Variants in ZNF320 observed in about 807,000 individuals in gnomAD.
The protein encoded by ZNF320 is zinc finger protein 320.
In ZNF320, 2 loss-of-function variants were observed where a neutral mutation model predicts 6.8. That is an observed-to-expected ratio of 0.29 (90% CI 0.12 to 0.93). The LOEUF (loss-of-function observed/expected upper bound fraction) is 0.93. ZNF320 is among the 40% of genes least tolerant of loss of function. The probability of loss-of-function intolerance (pLI) is 0.55; values close to 1 mark genes in which losing one functional copy is unlikely to be tolerated. For missense variants in ZNF320, 472 were observed against 611.0 expected (o/e 0.77, Z 2.40); for synonymous variants, 208 against 203.2 (o/e 1.02, Z -0.20).
chr19:52,882,089 C>A (rs2063941783), intron 5 of ZNF320, 106 bp from the exon 6 acceptor site: 1 of 1,149,534 alleles, frequency 8.7e-7, no homozygotes, highest in East Asian at 2.5e-5. Flanking sequence ...TTAAACTTCC[C>A]AAACATGAGC....
intron 5 of ZNF320, 102 bp from the exon 6 acceptor site, chr19:52,882,085 T>C (rs2063941618): frequency 8.3e-7 from 1 of 1,203,708 alleles, no homozygotes; most frequent in Admixed American, 2.6e-5. Flanking sequence ...TATTTTAAAC[T>C]TCCCAAACAT....
intron 4 of ZNF320, among the ~76,000 whole-genome samples, chr19:52,888,730 C>T (rs1047277958): frequency 5.3e-5 from 8 of 152,018 alleles, no homozygotes; most frequent in South Asian, 2.1e-4. Flanking sequence ...TGAAAAAAAA[C>T]TAGATGTTAA....
Position 52,890,853 on chromosome 19 carries a change from A to G in ZNF320, c.-74+376T>C, listed in dbSNP as rs559907599. Among the ~76,000 whole-genome samples, 6 of 150,900 alleles carry G rather than the reference A, an allele frequency of 4.0e-5. No homozygotes were observed. The East Asian group carries it at 1.2e-3, about 30-fold the overall frequency. On this transcript the variant is annotated intron_variant, in intron 3 of 5. Transcript: ENST00000682928. ...AACATGGTGAAACCCTGTCCCTACT[A>G]AAAATACAAAAATTGGGCCGGGCGC...
At chr19:52,888,612 A>G (rs910341346) in intron 4 of ZNF320, among the ~76,000 whole-genome samples, 1 of 126,754 alleles carries the variant, frequency 7.9e-6, no homozygotes, top group African/African-American at 3.1e-5. Flanking sequence ...CCTGGGCAAC[A>G]AAGCAAGACT....
chr19:52,894,463 C>A (rs1230159447), intron 1 of ZNF320, among the ~76,000 whole-genome samples: 8 of 152,040 alleles, frequency 5.3e-5, no homozygotes. Flanking sequence ...GAATGTCTCT[C>A]TCCATGTCTA....
At chr19:52,868,680 T>A (rs2063624345) in intron 5 of ZNF320, among the ~76,000 whole-genome samples, 1 of 151,828 alleles carries the variant, frequency 6.6e-6, no homozygotes, top group Non-Finnish European at 1.5e-5. Flanking sequence ...AGCAAAATAG[T>A]CCACCAAGAA....
rs112059412 is a variant in ZNF320 at position 52,868,851 on chromosome 19, T to C, written c.224-4692A>G. The stretch of plus-strand genomic sequence containing the variant: ...TCATGGATCATGTGCTGAGTCATGA[T>C]GCCCTGCACACACTGATTTAGGCAG... On this transcript the variant is annotated intron_variant, in intron 5 of 5. Coordinates refer to the ZNF320 transcript ENST00000673631. 1.1e-3 allele frequency among the ~76,000 whole-genome samples: 164 copies of C among 151,970 alleles called. 1 individual carries two copies. In the Middle Eastern group the frequency reaches 0.021, roughly 19 times the overall value.
At chr19:52,892,847 C>T (rs1182321900) in intron 2 of ZNF320, among the ~76,000 whole-genome samples, 2 of 151,732 alleles carry the variant, frequency 1.3e-5, no homozygotes, top group Non-Finnish European at 2.9e-5. Context: ...CACCACTCTG[C>T]TCTGTCTGCC....
chr19:52,866,244 AT>A lies in ZNF320; in HGVS notation c.224-2086del, dbSNP rs539428490. Among the ~76,000 whole-genome samples, 145 of 147,132 alleles carry A rather than the reference AT, an allele frequency of 9.9e-4. 9 individuals are homozygous for A. Among genetic ancestry groups the A allele is most frequent in the African/African-American group, 3.5e-3 (139 of 40,236 alleles). ...TATATATGATTATACATATATATAT[AT>A]ATAAAATCATAAGGCTGGATGCAGT... is the stretch of plus-strand genomic sequence containing the variant. On this transcript the variant is annotated intron_variant, in intron 5 of 5. Transcript: ENST00000673631.
the ZNF320 span, among the ~76,000 whole-genome samples, chr19:52,903,290 T>C: frequency 4.6e-5 from 7 of 152,216 alleles, no homozygotes; most frequent in Non-Finnish European, 8.8e-5. Context: ...ACTTCAATTA[T>C]CCTTTGCTAT....
At chr19:52,890,922 G>C (rs755909605) in intron 3 of ZNF320, among the ~76,000 whole-genome samples, 16 of 152,032 alleles carry the variant, frequency 1.1e-4, no homozygotes, top group Non-Finnish European at 2.1e-4. Flanking sequence ...AGGCCGAGGT[G>C]GGTGGATTAC....
upstream of ZNF320, among the ~76,000 whole-genome samples, chr19:52,898,439 G>GT (rs139941673): frequency 4.3e-3 from 651 of 152,300 alleles, 7 homozygotes; most frequent in African/African-American, 0.015. Context: ...GGGCGACAAA[G>GT]TAAGACCCTC....
In ZNF320 at chr19:52,880,343, A is replaced by G; in HGVS notation, c.*253T>C. On this transcript the variant is annotated 3_prime_UTR_variant, in exon 6 of 6. Transcript: ENST00000682928. Reference sequence around the variant, plus strand: ...AACGTGGGCGACAGAGCAAGATTCCATCTTAAAAATAAATAAATAAATAAA... The same window carrying G: ...AACGTGGGCGACAGAGCAAGATTCCGTCTTAAAAATAAATAAATAAATAAA... 1 of 382,960 alleles carries G rather than the reference A, an allele frequency of 2.6e-6. No homozygotes were observed. Among genetic ancestry groups the G allele is most frequent in the South Asian group, 4.8e-5 (1 of 21,026 alleles). 23.7% of individuals were successfully genotyped at this position (382,960 alleles called of 1,614,324 possible).
At chr19:52,875,371 G>A (rs1032884500), downstream of ZNF320, among the ~76,000 whole-genome samples, 1 of 152,206 alleles carries the variant, frequency 6.6e-6, no homozygotes, top group Middle Eastern at 3.2e-3. Context: ...AGGGGACATG[G>A]GTAGGTGGGT....
At chr19:52,889,675 T>C (rs1201151158) in intron 4 of ZNF320, among the ~76,000 whole-genome samples, 1 of 152,232 alleles carries the variant, frequency 6.6e-6, no homozygotes, top group East Asian at 1.9e-4. Flanking sequence ...TTTCCTATTC[T>C]TAAAATAATG....
downstream of ZNF320, among the ~76,000 whole-genome samples, chr19:52,874,568 T>C (rs2063733169): frequency 6.6e-6 from 1 of 152,142 alleles, no homozygotes; most frequent in African/African-American, 2.4e-5. Flanking sequence ...TAATGTGAAG[T>C]CAGGGTTGAG....
rs185611399 is a variant in ZNF320, at chr19:52,877,167, G to C, written c.*3429C>G. 19 of 152,308 alleles carry C rather than the reference G, an allele frequency of 1.2e-4. No individual in the cohort carries two copies. The highest frequency in any genetic ancestry group is 1.2e-3 in the Admixed American group (19 of 15,294). 9.4% of individuals were successfully genotyped at this position (152,308 alleles called of 1,614,324 possible). ...GGGTCTGGGGACAGGGAGAGTCTAAGGCCAATTAACACGAACCTCAGGAGG... is the reference window on the plus strand; with the variant it reads ...GGGTCTGGGGACAGGGAGAGTCTAACGCCAATTAACACGAACCTCAGGAGG... On this transcript the variant is annotated 3_prime_UTR_variant, in exon 6 of 6. Transcript: ENST00000682928.
intron 1 of ZNF320, among the ~76,000 whole-genome samples, chr19:52,894,467 A>G (rs1279865164): frequency 2.0e-5 from 3 of 152,144 alleles, no homozygotes; most frequent in Non-Finnish European, 4.4e-5. Context: ...GTCTCTCTCC[A>G]TGTCTAAGGT....
At chr19:52,862,431 C>T in exon 6 of ZNF320, 1 of 423,672 alleles carries the variant, frequency 2.4e-6, no homozygotes, top group African/African-American at 2.0e-5. Flanking sequence ...GGTTTTTCTC[C>T]AGTATGAGTT....
Sources: allele counts gnomAD v4.1 joint callset (sites outside exome capture counted in the v4.1 genomes callset), GRCh38; gene constraint gnomAD v4.1.1; transcripts MANE v1.5; gene names NCBI Gene and HGNC (gene_info 2026-07-23, HGNC 2026-07-21).